Variants in VTI1A observed in about 807,000 individuals in gnomAD.
VTI1A encodes the protein vesicle transport through interaction with t-SNAREs 1A, also known as vesicle transport through interaction with t-SNAREs homolog 1A.
A neutral mutation model predicts 34.9 loss-of-function variants in VTI1A; 22 were observed. The ratio of observed to expected loss-of-function variants is 0.63; its 90% CI spans 0.45 to 0.90. The LOEUF (loss-of-function observed/expected upper bound fraction) is 0.90. VTI1A is among the 40% of genes least tolerant of loss of function. The pLI, the probability that VTI1A is intolerant of heterozygous loss-of-function variation, is 0.00. For synonymous variants in VTI1A, 87 were observed against 97.3 expected, an observed-to-expected ratio of 0.89 and a Z score of 0.62; for missense variants, 268 against 275.6, an observed-to-expected ratio of 0.97 and a Z score of 0.20.
At chr10:112,690,445 A>G (rs1163802332) in intron 7 of VTI1A, among the ~76,000 whole-genome samples, 5 of 152,178 alleles carry the variant, frequency 3.3e-5, no homozygotes, top group African/African-American at 9.6e-5. Flanking sequence ...AGAACCCATT[A>G]AAGGGCCACA....
intron 5 of VTI1A, among the ~76,000 whole-genome samples, chr10:112,574,664 A>G (rs912266339): frequency 6.6e-6 from 1 of 152,226 alleles, no homozygotes; most frequent in Non-Finnish European, 1.5e-5. Context: ...ACCACACGTT[A>G]AGTGATGGAT....
intron 4 of VTI1A, among the ~76,000 whole-genome samples, chr10:112,529,002 C>G (rs1850339840): frequency 6.6e-6 from 1 of 152,060 alleles, no homozygotes; most frequent in African/African-American, 2.4e-5. Context: ...TTCATATTTT[C>G]TGAATTTTTC....
chr10:112,726,852 G>A (rs1850047354), intron 7 of VTI1A, among the ~76,000 whole-genome samples: 1 of 152,162 alleles, frequency 6.6e-6, no homozygotes, highest in African/African-American at 2.4e-5. Context: ...GCATATAGCT[G>A]ATACCGGGGG....
intron 5 of VTI1A, among the ~76,000 whole-genome samples, chr10:112,559,712 A>G (rs765445052): frequency 3.3e-5 from 5 of 152,202 alleles, no homozygotes; most frequent in Non-Finnish European, 7.3e-5. Context: ...CTCTTAGGAA[A>G]GACTGGTGCT....
intron 7 of VTI1A, among the ~76,000 whole-genome samples, chr10:112,676,209 A>G (rs2133850607): frequency 6.6e-6 from 1 of 152,198 alleles, no homozygotes; most frequent in South Asian, 2.1e-4. Flanking sequence ...ATCAATAATA[A>G]TAAATCCCAT....
At chr10:112,714,635 G>A (rs949166640) in intron 7 of VTI1A, among the ~76,000 whole-genome samples, 1 of 152,194 alleles carries the variant, frequency 6.6e-6, no homozygotes, top group East Asian at 1.9e-4. Flanking sequence ...TGATATGGTT[G>A]TTTGGGATGA....
intron 7 of VTI1A, chr10:112,736,690 T>C: frequency 6.4e-7 from 1 of 1,551,560 alleles, no homozygotes; most frequent in South Asian, 1.2e-5. Context: ...TGGTGAGAAA[T>C]GCTACATAAG....
chr10:112,540,385 G>A (rs974545996), intron 5 of VTI1A, among the ~76,000 whole-genome samples: 2 of 152,160 alleles, frequency 1.3e-5, no homozygotes, highest in Non-Finnish European at 2.9e-5. Flanking sequence ...ATGGTATTGA[G>A]TATGAAGTGT....
At chr10:112,726,652 T>A (rs1590120656) in intron 7 of VTI1A, among the ~76,000 whole-genome samples, 1 of 152,220 alleles carries the variant, frequency 6.6e-6, no homozygotes, top group Non-Finnish European at 1.5e-5. Context: ...CATACCTATT[T>A]GTACATTTGA....
chr10:112,721,293 T>C (rs1427556244), intron 7 of VTI1A, among the ~76,000 whole-genome samples: 2 of 152,220 alleles, frequency 1.3e-5, no homozygotes, highest in Non-Finnish European at 2.9e-5. Flanking sequence ...CAAGGAGCAC[T>C]CACTTACCAT....
intron 3 of VTI1A, among the ~76,000 whole-genome samples, chr10:112,476,092 C>G (rs1401888169): frequency 1.3e-5 from 2 of 152,084 alleles, no homozygotes; most frequent in East Asian, 3.9e-4. Context: ...AAGTTAAAGC[C>G]ACATCGGTTT....
chr10:112,761,128 A>G (rs1027377150), intron 7 of VTI1A, among the ~76,000 whole-genome samples: 3 of 152,156 alleles, frequency 2.0e-5, no homozygotes, highest in African/African-American at 7.2e-5. Context: ...CATGGACTGT[A>G]TGTCTTGAGG....
At chr10:112,716,679 T>A (rs1306762197) in intron 7 of VTI1A, among the ~76,000 whole-genome samples, 2 of 152,186 alleles carry the variant, frequency 1.3e-5, no homozygotes. Flanking sequence ...TCCAAGTTTT[T>A]GAGCCCCAAT....
At chr10:112,825,592 A>T in the VTI1A span, 1 of 152,190 alleles carries the variant, frequency 6.6e-6, no homozygotes. Context: ...GGAGCACAAC[A>T]TGTGGGCCCA....
At chr10:112,624,684 G>C (rs925583688) in intron 5 of VTI1A, among the ~76,000 whole-genome samples, 1 of 152,228 alleles carries the variant, frequency 6.6e-6, no homozygotes, top group African/African-American at 2.4e-5. Context: ...GTTTGCTGCT[G>C]TTGTTGTTAT....
chr10:112,711,220 G>T (rs1286081722), intron 7 of VTI1A, among the ~76,000 whole-genome samples: 2 of 152,216 alleles, frequency 1.3e-5, no homozygotes, highest in East Asian at 3.9e-4. Flanking sequence ...ACATTAATTT[G>T]GCGAAATCCC....
intron 5 of VTI1A, among the ~76,000 whole-genome samples, chr10:112,635,562 G>A (rs1253069195): frequency 1.3e-5 from 2 of 152,178 alleles, no homozygotes; most frequent in Non-Finnish European, 2.9e-5. Flanking sequence ...GAAGATTTTA[G>A]AAAGATCAAA....
chr10:112,834,232 C>T, the VTI1A span, among the ~76,000 whole-genome samples: 2 of 152,200 alleles, frequency 1.3e-5, no homozygotes, highest in South Asian at 2.1e-4. Flanking sequence ...CCCACACCCC[C>T]GCCCCAGTCT....
intron 5 of VTI1A, among the ~76,000 whole-genome samples, chr10:112,550,473 G>A (rs1851307949): frequency 6.6e-6 from 1 of 152,018 alleles, no homozygotes; most frequent in African/African-American, 2.4e-5. Context: ...ATATCAAGTG[G>A]AAAACTTGAT....
Sources: allele counts gnomAD v4.1 joint callset (sites outside exome capture counted in the v4.1 genomes callset), GRCh38; gene constraint gnomAD v4.1.1; transcripts MANE v1.5; gene names NCBI Gene and HGNC (gene_info 2026-07-23, HGNC 2026-07-21).